Variants in FALEC observed in about 807,000 individuals in gnomAD.
FALEC encodes the protein focally amplified lncRNA on chromosome 1.
At chr1:150,531,410 G>A in the FALEC span, among the ~76,000 whole-genome samples, 2 of 152,058 alleles carry the variant, frequency 1.3e-5, no homozygotes, top group African/African-American at 2.4e-5. Flanking sequence ...GGGAGGCGGA[G>A]GTTGCCGTGA....
At chr1:150,522,963 ATATATATATATATATATATATTT>A (rs1670673322), downstream of FALEC, among the ~76,000 whole-genome samples, 1 of 32,376 alleles carries the variant, frequency 3.1e-5, no homozygotes, top group African/African-American at 1.3e-4. Flanking sequence ...ATATATATAT[ATATATATATATATATATATATTT>A]TTTTTTTTTT....
chr1:150,522,945 GTGTGTATATATATATA>G (rs1233295031), downstream of FALEC, among the ~76,000 whole-genome samples: 1,711 of 8,638 alleles, frequency 0.2, 402 homozygotes, highest in South Asian at 0.26. Flanking sequence ...GTGTGTGTGT[GTGTGTATATATATATA>G]TATATATATA....
At chr1:150,517,316 A>AAT (rs1670580369) in intron 1 of FALEC, among the ~76,000 whole-genome samples, 1 of 139,098 alleles carries the variant, frequency 7.2e-6, no homozygotes, top group Non-Finnish European at 1.6e-5. Context: ...AAAAAAAAAA[A>AAT]GGTTGAGGGC....
At chr1:150,523,672 T>G in the FALEC span, among the ~76,000 whole-genome samples, 1 of 148,702 alleles carries the variant, frequency 6.7e-6, no homozygotes, top group African/African-American at 2.5e-5. Flanking sequence ...AAAAAAAAAT[T>G]ACATGTGTGG....
chr1:150,521,079 G>A (rs1041510237), downstream of FALEC, among the ~76,000 whole-genome samples: 1 of 152,070 alleles, frequency 6.6e-6, no homozygotes, highest in African/African-American at 2.4e-5. Flanking sequence ...GGGATTACAG[G>A]CGTGAGCCAC....
At chr1:150,528,342 G>A in the FALEC span, among the ~76,000 whole-genome samples, 1 of 152,116 alleles carries the variant, frequency 6.6e-6, no homozygotes, top group Non-Finnish European at 1.5e-5. Flanking sequence ...AAAAACTTTG[G>A]AACTTTTTGC....
chr1:150,536,235 A>G, the FALEC span, among the ~76,000 whole-genome samples: 1 of 152,224 alleles, frequency 6.6e-6, no homozygotes, highest in African/African-American at 2.4e-5. Context: ...GGATGCCATG[A>G]GCAAAGTGTC....
chr1:150,518,641 GC>G (rs1374470902), downstream of FALEC, among the ~76,000 whole-genome samples: 2 of 151,828 alleles, frequency 1.3e-5, no homozygotes, highest in Non-Finnish European at 2.9e-5. Context: ...GCCTGCCTCA[GC>G]CTCCCAAAGT....
downstream of FALEC, among the ~76,000 whole-genome samples, chr1:150,522,434 G>A (rs587700511): frequency 3.3e-5 from 5 of 151,854 alleles, no homozygotes; most frequent in South Asian, 1.0e-3. Flanking sequence ...ACCAGCCTGG[G>A]CAACGTGGTG....
chr1:150,529,016 C>CAAAAAAAAAAAAAAAAAAAAAAAAAAA, the FALEC span, among the ~76,000 whole-genome samples: 52 of 59,276 alleles, frequency 8.8e-4, 5 homozygotes, highest in Middle Eastern at 0.015. Context: ...AAATAAATAG[C>CAAAAAAAAAAAAAAAAAAAAAAAAAAA]AAAAAAAAAA....
chr1:150,523,691 G>T, the FALEC span, among the ~76,000 whole-genome samples: 1 of 151,642 alleles, frequency 6.6e-6, no homozygotes, highest in Non-Finnish European at 1.5e-5. Flanking sequence ...GGCTTACATT[G>T]GTGACTGGAA....
chr1:150,534,159 C>T, the FALEC span, among the ~76,000 whole-genome samples: 1 of 152,176 alleles, frequency 6.6e-6, no homozygotes, highest in Non-Finnish European at 1.5e-5. Context: ...CTAACCTGTG[C>T]TCACATGCCT....
At chr1:150,520,694 CAT>C (rs1169718688), downstream of FALEC, among the ~76,000 whole-genome samples, 5 of 150,352 alleles carry the variant, frequency 3.3e-5, no homozygotes, top group African/African-American at 9.8e-5. Context: ...ATAATTACAA[CAT>C]ATTTTTTGTG....
the FALEC span, among the ~76,000 whole-genome samples, chr1:150,531,329 T>C: frequency 6.6e-6 from 1 of 152,144 alleles, no homozygotes; most frequent in Non-Finnish European, 1.5e-5. Context: ...ATCCCGTCTC[T>C]ACTAAAAATA....
At chr1:150,530,051 C>T in the FALEC span, among the ~76,000 whole-genome samples, 3 of 152,234 alleles carry the variant, frequency 2.0e-5, no homozygotes, top group East Asian at 5.8e-4. Context: ...TGCTGTGGAT[C>T]AGGGCCTGAC....
chr1:150,531,202 A>T, the FALEC span, among the ~76,000 whole-genome samples: 1 of 152,254 alleles, frequency 6.6e-6, no homozygotes, highest in Non-Finnish European at 1.5e-5. Flanking sequence ...ATATATTAAA[A>T]TACAACTCTA....
chr1:150,528,561 C>T, the FALEC span, among the ~76,000 whole-genome samples: 1 of 151,770 alleles, frequency 6.6e-6, no homozygotes, highest in East Asian at 1.9e-4. Flanking sequence ...CCTCATCACA[C>T]TTGTAATTAT....
the FALEC span, among the ~76,000 whole-genome samples, chr1:150,526,787 C>A: frequency 0.12 from 18,030 of 151,746 alleles, 1,502 homozygotes; most frequent in African/African-American, 0.23. Flanking sequence ...GCGCCCACCA[C>A]CACGCCCGGC....
chr1:150,526,395 C>T, the FALEC span, among the ~76,000 whole-genome samples: 8 of 150,788 alleles, frequency 5.3e-5, no homozygotes, highest in South Asian at 2.1e-4. Flanking sequence ...GACAGGGTCT[C>T]GCTATGTCGC....
Sources: allele counts gnomAD v4.1 joint callset (sites outside exome capture counted in the v4.1 genomes callset), GRCh38; gene constraint gnomAD v4.1.1; transcripts MANE v1.5; gene names NCBI Gene and HGNC (gene_info 2026-07-23, HGNC 2026-07-21).